ADGRG2: variants seen among roughly 807,000 people sequenced by gnomAD.
ADGRG2 encodes the protein G protein-coupled receptor 64.
Under a neutral mutation model 74.1 loss-of-function variants are expected in ADGRG2, and 26 were observed. That is an observed-to-expected ratio of 0.35 (90% confidence interval 0.26 to 0.49). The LOEUF (loss-of-function observed/expected upper bound fraction) is 0.49. ADGRG2 is among the 20% of genes least tolerant of loss of function. ADGRG2 has a pLI of 0.99. For missense variants in ADGRG2, 619 were observed against 763.1 expected, an observed-to-expected ratio of 0.81 and a Z score of 2.22; for synonymous variants, 296 against 295.2, an observed-to-expected ratio of 1.00 and a Z score of -0.03.
At chrX:19,103,670 C>A (rs778779313) in intron 1 of ADGRG2, among the ~76,000 whole-genome samples, 1 of 111,219 alleles carries the variant, frequency 9.0e-6, no homozygotes, top group South Asian at 3.8e-4. Context: ...CCTGTTGATA[C>A]CACGTGTACT....
intron 7 of ADGRG2, chrX:19,034,548 G>A (rs2060893716): frequency 8.9e-6 from 1 of 112,005 alleles, no homozygotes. Flanking sequence ...ACACACAAAT[G>A]AGGTTTCTGA....
At chrX:19,033,822 G>A (rs2060877686) in intron 7 of ADGRG2, 168 bp from the exon 8 acceptor site, 5 of 344,545 alleles carry the variant, frequency 1.5e-5, no homozygotes, top group Admixed American at 1.2e-4. Flanking sequence ...CCGCATCCAC[G>A]GATCATGTAG....
chrX:19,122,122 G>A (rs1349554531), intron 1 of ADGRG2, among the ~76,000 whole-genome samples: 5 of 112,800 alleles, frequency 4.4e-5, no homozygotes, highest in Non-Finnish European at 9.4e-5. Context: ...TTTCCCGCGG[G>A]TTGGGGAAAG....
In ADGRG2 at chrX:19,019,660, A is replaced by C. The variant is rs142421774; in HGVS notation, c.649T>G (p.Cys217Gly). ...CAGGGTATCCTGACAGAACAGCAGC[A>C]GTGTTCTAGGAGAGACAAAAGGAAA... ...ERVKIRPMEHCCCSVRIPCPS... is the reference protein window; with the variant it reads ...ERVKIRPMEHGCCSVRIPCPS... Residue 217 changes from cysteine (C) to glycine (G), a missense_variant, in exon 15 of 29, where the codon TGC becomes GGC. Cys to Gly is a radical substitution (Grantham distance 159). Coordinates refer to ENST00000379869, the MANE Select transcript of ADGRG2 (RefSeq NM_001079858.3). 2 of 1,149,216 alleles carry C rather than the reference A, an allele frequency of 1.7e-6. No individual in the cohort carries two copies. Among genetic ancestry groups the C allele is most frequent in the Admixed American group, 4.4e-5 (2 of 45,492 alleles). 94.7% of individuals were successfully genotyped at this position (1,149,216 alleles called of 1,213,427 possible).
rs2060339850 is a variant in ADGRG2, at chrX:19,010,766, G to A, written c.1112C>T (p.Thr371Ile). The change falls in exon 17 of 29, where the codon ACC (threonine) becomes ATC (isoleucine). Residue 371 changes from threonine to isoleucine, a missense_variant. Thr to Ile is a moderately conservative substitution (Grantham distance 89, BLOSUM62 -1). Coordinates refer to ENST00000379869, the MANE Select transcript of ADGRG2 (RefSeq NM_001079858.3). The stretch of plus-strand genomic sequence containing the variant: ...GTTCTCAAGATCAGAAATACTGCTG[G>A]TGTTGACGATGTCTATATCAAAGAG... Reference protein sequence around the residue: ...APPVQTDIVNTSSISDLENQV... With the variant: ...APPVQTDIVNISSISDLENQV... 1 of 1,193,330 alleles carries A rather than the reference G, an allele frequency of 8.4e-7. No individual in the cohort carries two copies. The highest frequency in any genetic ancestry group is 1.8e-5 in the African/African-American group (1 of 56,716).
intron 16 of ADGRG2, among the ~76,000 whole-genome samples, chrX:19,011,823 T>G (rs1416109543): frequency 9.0e-6 from 1 of 111,667 alleles, no homozygotes; most frequent in Non-Finnish European, 1.9e-5. Context: ...CCAGCCTGGG[T>G]GACAGAGTGA....
chrX:19,033,636 A>G lies in ADGRG2; in HGVS notation c.281T>C (p.Ile94Thr), dbSNP rs900501617. Residue 94 changes from isoleucine (I) to threonine (T), a missense_variant, in exon 8 of 29, where the codon ATA becomes ACA. By Grantham distance (89) the Ile-to-Thr change is moderately conservative. This residue lies in a region of ADGRG2 where 292 missense variants were observed against 318.0 expected (regional missense o/e 0.92). Coordinates refer to ENST00000379869, the MANE Select transcript of ADGRG2 (RefSeq NM_001079858.3). Reference sequence around the variant, plus strand: ...ACCTGATGCATTGAAGGTTTTTACTATAGTGATTTTAGTTTTTTCTGCAAA... The same window carrying G: ...ACCTGATGCATTGAAGGTTTTTACTGTAGTGATTTTAGTTTTTTCTGCAAA... ...SNETEKTKIT[I>T]VKTFNASGVK... 5 of 841,618 alleles carry G rather than the reference A, an allele frequency of 5.9e-6. No homozygotes were observed. Among genetic ancestry groups the G allele is most frequent in the African/African-American group, 2.0e-5 (1 of 50,111 alleles). The allele number at this position is 841,618 out of a possible 1,213,427, so 69.4% of individuals were successfully genotyped here. A position where few individuals can be genotyped will look rare whatever the true frequency, so the allele number is the denominator to read the frequency against.
chrX:19,069,764 C>T (rs1393661669), intron 2 of ADGRG2, among the ~76,000 whole-genome samples: 2 of 111,554 alleles, frequency 1.8e-5, no homozygotes, highest in Admixed American at 9.5e-5. Flanking sequence ...ACTCCATCCC[C>T]TTTCCAGCCA....
chrX:19,017,122 G>A (rs1462735101), intron 15 of ADGRG2, among the ~76,000 whole-genome samples: 4 of 111,597 alleles, frequency 3.6e-5, no homozygotes, highest in African/African-American at 1.3e-4. Context: ...ACAGACCCTC[G>A]GTGCTCAAAG....
chrX:19,089,448 T>A (rs1481114419), intron 1 of ADGRG2, among the ~76,000 whole-genome samples: 3 of 111,849 alleles, frequency 2.7e-5, no homozygotes, highest in African/African-American at 9.8e-5. Context: ...AAAAGTTAAA[T>A]AAAAATAAAA....
At position 19,013,771 on chromosome X, in the gene ADGRG2, TG is replaced by T. The variant is rs1601888330; in HGVS notation, c.1013del (p.Pro338HisfsTer4). 8.4e-7 allele frequency: 1 copy of T among 1,194,641 alleles called. No individual in the cohort carries two copies. ...PMPQTHVSGT[P>X]PPVKASFSSP... ...AGGAAAATGAGGCTTTCACAGGAGG[TG>T]GGGTGCCGGAGACATGGGTTTGGGG... On this transcript the variant is annotated frameshift_variant, in exon 16 of 29. Coordinates refer to ENST00000379869, the MANE Select transcript of ADGRG2 (RefSeq NM_001079858.3). LOFTEE classifies it high-confidence loss of function.
chrX:19,043,504 C>A (rs2061113838), intron 3 of ADGRG2, among the ~76,000 whole-genome samples: 1 of 112,146 alleles, frequency 8.9e-6, no homozygotes, highest in Admixed American at 9.5e-5. Flanking sequence ...CCTTTGGAAC[C>A]TACAAAGAGC....
intron 9 of ADGRG2, 106 bp from the exon 10 acceptor site, chrX:19,028,344 T>C (rs757320722): frequency 4.1e-5 from 16 of 392,016 alleles, no homozygotes; most frequent in Non-Finnish European, 7.1e-5. Context: ...CATCAAATTG[T>C]TTTTATTCAC....
chrX:19,008,736 G>A (rs948667496), intron 18 of ADGRG2, among the ~76,000 whole-genome samples: 1 of 111,688 alleles, frequency 9.0e-6, no homozygotes, highest in Non-Finnish European at 1.9e-5. Flanking sequence ...ACATTTTAAG[G>A]ATGCAAAGAA....
At chrX:19,078,488 T>C (rs1474651862) in intron 2 of ADGRG2, among the ~76,000 whole-genome samples, 2 of 110,199 alleles carry the variant, frequency 1.8e-5, no homozygotes, top group African/African-American at 6.6e-5. Context: ...GGCAAGGAGG[T>C]AGAGGCTGTA....
In ADGRG2 at chrX:19,033,602, A is replaced by G. The variant is rs368812151; in HGVS notation, c.304+11T>C. On this transcript the variant is annotated intron_variant, in intron 8 of 28. Transcript: ENST00000379869. ...AAAAAGGAAAGTCTTGATATTGATA[A>G]TAAGTCATACCTGATGCATTGAAGG... 1.8e-5 allele frequency: 14 copies of G among 775,677 alleles called. No homozygotes were observed. In the African/African-American group the frequency reaches 1.9e-4, roughly 10 times the overall value. 63.9% of individuals were successfully genotyped at this position (775,677 alleles called of 1,213,427 possible). A position where few individuals can be genotyped will look rare whatever the true frequency, so the allele number is the denominator to read the frequency against.
intron 2 of ADGRG2, among the ~76,000 whole-genome samples, chrX:19,078,548 C>T (rs909985452): frequency 9.0e-6 from 1 of 110,849 alleles, no homozygotes; most frequent in East Asian, 2.8e-4. Flanking sequence ...CAGAGCAAGA[C>T]CTTGTCTCAA....
intron 9 of ADGRG2, among the ~76,000 whole-genome samples, chrX:19,030,690 T>C (rs2060807715): frequency 8.9e-6 from 1 of 112,528 alleles, no homozygotes; most frequent in Non-Finnish European, 1.9e-5. Flanking sequence ...TGTTCACAAA[T>C]TAATTCTAAG....
chrX:19,004,366 T>C (rs2060189495), intron 23 of ADGRG2, among the ~76,000 whole-genome samples: 1 of 112,557 alleles, frequency 8.9e-6, no homozygotes, highest in South Asian at 3.6e-4. Context: ...ATGTATTTAA[T>C]CTTTTGTGTT....
Sources: gnomAD v4.1 joint callset for allele counts (sites outside exome capture counted in the v4.1 genomes callset) on GRCh38, gnomAD v4.1.1 for gene constraint, gnomAD v4.1.1 regional missense constraint, MANE v1.5 for transcripts, NCBI Gene and HGNC (gene_info 2026-07-23, HGNC 2026-07-21) for gene names.